The following USP13 variants were observed in gnomAD, a reference collection of about 807,000 sequenced individuals.
USP13 encodes ubiquitin carboxyl-terminal hydrolase 13.
A neutral mutation model predicts 107.8 loss-of-function variants in USP13; 68 were observed. The observed-to-expected ratio is 0.63, with a 90% CI of 0.52 to 0.77. The LOEUF (loss-of-function observed/expected upper bound fraction) is 0.77, where lower values mean the gene tolerates loss of function less well. USP13 is among the 30% of genes least tolerant of loss of function. The pLI, the probability that USP13 is intolerant of heterozygous loss-of-function variation, is 0.00. For synonymous variants in USP13, 377 were observed against 389.5 expected, an observed-to-expected ratio of 0.97 and a Z score of 0.38; for missense variants, 945 against 1,093.3, an observed-to-expected ratio of 0.86 and a Z score of 1.91.
intron 6 of USP13, among the ~76,000 whole-genome samples, 166 bp downstream of exon 6, chr3:179,709,123 A>G (rs1315455807): frequency 6.6e-6 from 1 of 152,188 alleles, no homozygotes; most frequent in African/African-American, 2.4e-5. Flanking sequence ...CAAGTTTTCT[A>G]ATCTCCCTAA....
chr3:179,773,099 G>A (rs1715390893), intron 19 of USP13, among the ~76,000 whole-genome samples: 1 of 152,212 alleles, frequency 6.6e-6, no homozygotes, highest in African/African-American at 2.4e-5. Flanking sequence ...AAACTGCAGT[G>A]TTGGAGGTGG....
chr3:179,695,569 T>C lies in USP13; in HGVS notation c.355+5268T>C, dbSNP rs576935309. ...TTTAACTAGCAACGACAATTATTGGTAATTGAAAAATCATTTAAATTCTAT... is the reference window on the plus strand; with the variant it reads ...TTTAACTAGCAACGACAATTATTGGCAATTGAAAAATCATTTAAATTCTAT... On this transcript the variant is annotated intron_variant, in intron 3 of 20. Coordinates refer to ENST00000263966, the MANE Select transcript of USP13 (RefSeq NM_003940.3). 3.9e-5 allele frequency among the ~76,000 whole-genome samples: 6 copies of C among 152,256 alleles called. No individual in the cohort carries two copies. In the East Asian group the frequency reaches 1.2e-3, roughly 29 times the overall value.
In USP13 at chr3:179,740,240, A is replaced by G. The variant is rs369461570; in HGVS notation, c.1255-7A>G. 9.3e-6 allele frequency: 15 copies of G among 1,613,586 alleles called. No homozygotes were observed. The African/African-American group carries it at 1.9e-4, about 20-fold the overall frequency. On this transcript the variant is annotated splice_polypyrimidine_tract_variant and splice_region_variant and intron_variant, in intron 10 of 20. Transcript: ENST00000263966. The stretch of plus-strand genomic sequence containing the variant: ...TATCATAAGTCCATTTCATTTTTAT[A>G]CATTAGCCACAGCAGAACGGGATCT...
chr3:179,765,481 C>G (rs1715142153), intron 18 of USP13, among the ~76,000 whole-genome samples: 1 of 152,214 alleles, frequency 6.6e-6, no homozygotes, highest in South Asian at 2.1e-4. Context: ...TCCAGTGAAT[C>G]CAATTACAGA....
At chr3:179,776,305 G>A (rs1290341073) in intron 19 of USP13, among the ~76,000 whole-genome samples, 9 of 151,984 alleles carry the variant, frequency 5.9e-5, no homozygotes, top group Admixed American at 2.6e-4. Flanking sequence ...TTTGGCTAAT[G>A]GGTCACTTAC....
chr3:179,732,113 G>T (rs377177907), intron 10 of USP13, among the ~76,000 whole-genome samples: 33 of 152,270 alleles, frequency 2.2e-4, no homozygotes, highest in African/African-American at 7.9e-4. Flanking sequence ...GGAGACCAGA[G>T]GGGTATGGGA....
intron 14 of USP13, among the ~76,000 whole-genome samples, chr3:179,754,258 C>G (rs1164799241): frequency 1.3e-5 from 2 of 152,308 alleles, no homozygotes; most frequent in East Asian, 3.9e-4. Context: ...GCAGTGGGGT[C>G]TGTGTCAGAC....
chr3:179,687,940 C>T (rs16830710), intron 2 of USP13, among the ~76,000 whole-genome samples: 11,240 of 152,084 alleles, frequency 0.074, 1,014 homozygotes, highest in African/African-American at 0.21. Context: ...CAAGTTTGTG[C>T]TCCAGACATA....
At chr3:179,734,835 T>C (rs1713931761) in intron 10 of USP13, among the ~76,000 whole-genome samples, 1 of 152,242 alleles carries the variant, frequency 6.6e-6, no homozygotes, top group Non-Finnish European at 1.5e-5. Flanking sequence ...CCTTTTATCC[T>C]GTGGTTTAAA....
intron 19 of USP13, 88 bp from the exon 20 acceptor site, chr3:179,781,651 T>C (rs914198677): frequency 2.3e-5 from 26 of 1,121,772 alleles, no homozygotes; most frequent in Non-Finnish European, 2.9e-5. Flanking sequence ...GTTGCTGGAT[T>C]ATACTATGGT....
chr3:179,690,557 G>C (rs1255477900), intron 3 of USP13, among the ~76,000 whole-genome samples: 1 of 152,084 alleles, frequency 6.6e-6, no homozygotes, highest in East Asian at 1.9e-4. Context: ...TTCTGCTTCA[G>C]TTCTGTTTAT....
intron 8 of USP13, among the ~76,000 whole-genome samples, chr3:179,725,627 T>A (rs1309729411): frequency 6.6e-6 from 1 of 152,192 alleles, no homozygotes; most frequent in Non-Finnish European, 1.5e-5. Context: ...CTGCTAGGGT[T>A]TCATTGCAAA....
intron 4 of USP13, among the ~76,000 whole-genome samples, chr3:179,703,543 A>C (rs1210934695): frequency 1.3e-5 from 2 of 152,200 alleles, no homozygotes; most frequent in Non-Finnish European, 2.9e-5. Flanking sequence ...CATTTTTGAC[A>C]TCAGGAATTG....
At chr3:179,703,804 T>C (rs527384053) in intron 4 of USP13, among the ~76,000 whole-genome samples, 3 of 152,222 alleles carry the variant, frequency 2.0e-5, no homozygotes, top group Non-Finnish European at 2.9e-5. Context: ...TGAGATACAG[T>C]AAAACAATTA....
chr3:179,719,306 T>G (rs1045820735), intron 6 of USP13, among the ~76,000 whole-genome samples: 3 of 152,072 alleles, frequency 2.0e-5, no homozygotes, highest in Admixed American at 6.6e-5. Flanking sequence ...GTGTGTACTA[T>G]GAGGTGGGCC....
At position 179,732,632 on chromosome 3, in the gene USP13, TTCTGTGC is replaced by T. The variant is rs376081817; in HGVS notation, c.1254+1927_1254+1933del. 1.9e-3 allele frequency among the ~76,000 whole-genome samples: 282 copies of T among 152,338 alleles called. 4 individuals are homozygous for T. Among genetic ancestry groups the T allele is most frequent in the African/African-American group, 6.3e-3 (263 of 41,572 alleles). On this transcript the variant is annotated intron_variant, in intron 10 of 20. Coordinates refer to ENST00000263966, the MANE Select transcript of USP13 (RefSeq NM_003940.3). ...AAAATCATGGACCTTGCGTGACCGT[TTCTGTGC>T]TCTTGGGATCTCCTCATTTGAGAAA... is the stretch of plus-strand genomic sequence containing the variant.
intron 19 of USP13, among the ~76,000 whole-genome samples, chr3:179,780,215 A>G (rs1429511491): frequency 2.0e-5 from 3 of 152,238 alleles, no homozygotes; most frequent in Non-Finnish European, 2.9e-5. Flanking sequence ...AACATTGTAC[A>G]GGAGGTTCTA....
intron 14 of USP13, among the ~76,000 whole-genome samples, chr3:179,753,753 T>G (rs1254637641): frequency 6.6e-6 from 1 of 152,220 alleles, no homozygotes; most frequent in East Asian, 1.9e-4. Flanking sequence ...TAACTGATTT[T>G]GGGGACAGTA....
At chr3:179,669,303 A>G (rs1720676367) in intron 1 of USP13, among the ~76,000 whole-genome samples, 1 of 152,166 alleles carries the variant, frequency 6.6e-6, no homozygotes, top group Admixed American at 6.6e-5. Flanking sequence ...TCTACTAAAA[A>G]TACAAAAATT....
Sources: allele counts gnomAD v4.1 joint callset (sites outside exome capture counted in the v4.1 genomes callset), GRCh38; gene constraint gnomAD v4.1.1; transcripts MANE v1.5; gene names NCBI Gene and HGNC (gene_info 2026-07-23, HGNC 2026-07-21).